AEBP2: variants seen among roughly 807,000 people sequenced by gnomAD.
AEBP2 encodes AE binding protein 2.
AEBP2 carries 10 observed loss-of-function variants against 50.8 expected under a neutral mutation model. The ratio of observed to expected loss-of-function variants is 0.20; its 90% confidence interval spans 0.12 to 0.33. AEBP2 has a LOEUF of 0.33. Among genes scored for constraint, AEBP2 ranks in the 10% least tolerant of loss-of-function variants. The probability of loss-of-function intolerance (pLI) is 1.00; values close to 1 mark genes in which losing one functional copy is unlikely to be tolerated. For synonymous variants in AEBP2, 296 were observed against 261.3 expected, an observed-to-expected ratio of 1.13 and a Z score of -1.28; for missense variants, 570 against 688.0, an observed-to-expected ratio of 0.83 and a Z score of 1.92.
At chr12:19,410,903 CG>C (rs925837940) in intron 1 of AEBP2, among the ~76,000 whole-genome samples, 2 of 152,084 alleles carry the variant, frequency 1.3e-5, no homozygotes, top group Non-Finnish European at 2.9e-5. Flanking sequence ...GAAGGAGGGA[CG>C]GCTTAACTTG....
intron 2 of AEBP2, among the ~76,000 whole-genome samples, chr12:19,471,848 G>A (rs987396436): frequency 1.3e-5 from 2 of 152,000 alleles, no homozygotes; most frequent in African/African-American, 2.4e-5. Flanking sequence ...GTATTGCTTT[G>A]TATTTTTTTT....
chr12:19,475,639 T>G (rs548518541), intron 3 of AEBP2, among the ~76,000 whole-genome samples: 10 of 152,284 alleles, frequency 6.6e-5, no homozygotes, highest in Middle Eastern at 3.4e-3. Context: ...GATCAAATGG[T>G]AGTTCTACTT....
chr12:19,407,513 A>G (rs531059413), intron 1 of AEBP2, among the ~76,000 whole-genome samples: 1 of 152,224 alleles, frequency 6.6e-6, no homozygotes, highest in East Asian at 2.0e-4. Flanking sequence ...CATGTTGGCC[A>G]GGCAGGTCTT....
intron 4 of AEBP2, among the ~76,000 whole-genome samples, chr12:19,498,808 T>G (rs932635895): frequency 3.3e-5 from 5 of 152,166 alleles, no homozygotes; most frequent in African/African-American, 1.2e-4. Flanking sequence ...ATAATTTTTT[T>G]GATCACACTA....
intron 1 of AEBP2, among the ~76,000 whole-genome samples, chr12:19,454,784 G>C (rs1948236742): frequency 6.6e-6 from 1 of 152,082 alleles, no homozygotes; most frequent in Non-Finnish European, 1.5e-5. Context: ...GTGGAGGGGG[G>C]AGAACGACCC....
intron 1 of AEBP2, among the ~76,000 whole-genome samples, chr12:19,424,367 A>C (rs992146010): frequency 6.6e-6 from 1 of 152,100 alleles, no homozygotes; most frequent in African/African-American, 2.4e-5. Flanking sequence ...GATGCAAAGT[A>C]AAGGTTTGTT....
At chr12:19,462,378 G>T in intron 1 of AEBP2, 132 bp from the exon 2 acceptor site, 1 of 726,212 alleles carries the variant, frequency 1.4e-6, no homozygotes. Flanking sequence ...GTTTTCTCAT[G>T]GAGAATATGG....
At chr12:19,450,430 A>G (rs1463904337) in intron 1 of AEBP2, among the ~76,000 whole-genome samples, 1 of 150,538 alleles carries the variant, frequency 6.6e-6, no homozygotes, top group Non-Finnish European at 1.5e-5. Flanking sequence ...GAATGGGTCA[A>G]ATTTTATGTA....
At chr12:19,493,739 G>C in intron 3 of AEBP2, 61 bp from the exon 4 acceptor site, 1 of 1,481,748 alleles carries the variant, frequency 6.7e-7, no homozygotes, top group African/African-American at 1.4e-5. Context: ...TTCACTCATT[G>C]ATATTCTTCT....
At chr12:19,441,501 T>G (rs1947959409) in intron 1 of AEBP2, among the ~76,000 whole-genome samples, 1 of 152,218 alleles carries the variant, frequency 6.6e-6, no homozygotes, top group Non-Finnish European at 1.5e-5. Flanking sequence ...ATTTTAGTGG[T>G]CGATAGTGAT....
At chr12:19,456,157 A>G in intron 1 of AEBP2, 1 of 916,816 alleles carries the variant, frequency 1.1e-6, no homozygotes, top group Admixed American at 2.2e-5. Flanking sequence ...TTTACTACTA[A>G]ACTTAAATGG....
rs761013184 is a variant in AEBP2 at position 19,500,192 on chromosome 12, A to G, written c.1270A>G (p.Lys424Glu). 1 of 1,583,054 alleles carries G rather than the reference A, an allele frequency of 6.3e-7. No homozygotes were observed. The change falls in exon 5 of 8, where the codon AAG becomes GAG. Residue 424 changes from lysine (K) to glutamate (E), a missense_variant. Physicochemically the swap from Lys to Glu is moderately conservative, Grantham distance 56. Around this residue, in one of 2 missense-constraint regions of AEBP2, gnomAD observed 184 missense variants for 351.2 expected, o/e 0.52. Transcript: ENST00000266508. ...CTCAGCTCATATAGAAAGTTTAGGG[A>G]AGGGACACAGTGTTGTTTTTCATAG... Reference protein sequence around the residue: ...NLSAHIESLGKGHSVVFHSTV... With the variant: ...NLSAHIESLGEGHSVVFHSTV...
intron 1 of AEBP2, among the ~76,000 whole-genome samples, chr12:19,444,182 T>G (rs183289573): frequency 6.6e-6 from 1 of 152,324 alleles, no homozygotes; most frequent in Admixed American, 6.5e-5. Flanking sequence ...TTAAACATAA[T>G]TTTATTTTCA....
chr12:19,458,557 A>G (rs1266669500), intron 1 of AEBP2, among the ~76,000 whole-genome samples: 1 of 152,200 alleles, frequency 6.6e-6, no homozygotes, highest in Non-Finnish European at 1.5e-5. Context: ...CAAGTGTGTG[A>G]TATCACACAT....
intron 1 of AEBP2, 167 bp downstream of exon 1, chr12:19,440,537 C>A (rs1004301271): frequency 1.4e-5 from 19 of 1,386,458 alleles, no homozygotes; most frequent in Non-Finnish European, 1.8e-5. Flanking sequence ...CCGCGCCCCT[C>A]TCGCAGCGCA....
chr12:19,485,829 A>AT (rs892721214), intron 3 of AEBP2, among the ~76,000 whole-genome samples: 17 of 151,852 alleles, frequency 1.1e-4, no homozygotes, highest in Admixed American at 1.1e-3. Context: ...GACCTATGAG[A>AT]TTCTCTGGGT....
At chr12:19,506,940 C>A (rs768893699) in intron 5 of AEBP2, among the ~76,000 whole-genome samples, 2 of 151,928 alleles carry the variant, frequency 1.3e-5, no homozygotes, top group Non-Finnish European at 2.9e-5. Context: ...GGCTCTCAGG[C>A]AAGCAGATTG....
intron 4 of AEBP2, among the ~76,000 whole-genome samples, chr12:19,499,201 A>T (rs954089654): frequency 6.6e-6 from 1 of 152,206 alleles, no homozygotes; most frequent in African/African-American, 2.4e-5. Context: ...CACACACGTG[A>T]TAACTGGTGG....
At chr12:19,434,053 G>A (rs2095752980) in intron 1 of AEBP2, among the ~76,000 whole-genome samples, 1 of 151,788 alleles carries the variant, frequency 6.6e-6, no homozygotes, top group Admixed American at 6.6e-5. Context: ...TACCATGTTG[G>A]CCAGGATGGT....
Sources: gnomAD v4.1 joint callset for allele counts (sites outside exome capture counted in the v4.1 genomes callset) on GRCh38, gnomAD v4.1.1 for gene constraint, gnomAD v4.1.1 regional missense constraint, MANE v1.5 for transcripts, NCBI Gene and HGNC (gene_info 2026-07-23, HGNC 2026-07-21) for gene names.